The following AK5 variants were observed in gnomAD, a reference collection of about 807,000 sequenced individuals.
AK5 encodes adenylate kinase isoenzyme 5.
AK5 carries 27 observed loss-of-function variants against 69.5 expected under a neutral mutation model. The ratio of observed to expected loss-of-function variants is 0.39; its 90% CI spans 0.29 to 0.54. The LOEUF is 0.54. Among genes scored for constraint, AK5 ranks in the 20% least tolerant of loss-of-function variants. The pLI is 0.71. For missense variants in AK5, 531 were observed against 700.4 expected (o/e 0.76, Z 2.73); for synonymous variants, 260 against 244.4 (o/e 1.06, Z -0.60).
chr1:77,487,971 C>T (rs982649768), intron 10 of AK5, among the ~76,000 whole-genome samples: 2 of 152,180 alleles, frequency 1.3e-5, no homozygotes, highest in African/African-American at 4.8e-5. Flanking sequence ...TAGGGAACAA[C>T]CTGGGTCAAG....
At chr1:77,535,445 G>A (rs1391248942) in intron 12 of AK5, among the ~76,000 whole-genome samples, 4 of 152,168 alleles carry the variant, frequency 2.6e-5, no homozygotes, top group African/African-American at 9.7e-5. Flanking sequence ...GCCACCTGTG[G>A]CTGTTATATC....
chr1:77,533,061 A>G (rs1658738179), intron 12 of AK5, among the ~76,000 whole-genome samples: 3 of 152,232 alleles, frequency 2.0e-5, no homozygotes, highest in Admixed American at 2.0e-4. Context: ...GTCACTTCCA[A>G]ATAGAATAAC....
intron 13 of AK5, among the ~76,000 whole-genome samples, chr1:77,548,667 C>T (rs1192592834): frequency 1.3e-5 from 2 of 152,130 alleles, no homozygotes; most frequent in Non-Finnish European, 2.9e-5. Context: ...CACAACTAGA[C>T]ATAGGCAATG....
chr1:77,491,062 A>G (rs1655960575), intron 10 of AK5, among the ~76,000 whole-genome samples: 1 of 152,040 alleles, frequency 6.6e-6, no homozygotes. Context: ...CCTGGTGTAC[A>G]TTGGCATTGA....
At position 77,360,269 on chromosome 1, in the gene AK5, G is replaced by A. The variant is rs900153799; in HGVS notation, c.891+19701G>A. ...AGGGGAAGAGAAGGTGGTCAAAGAT[G>A]TGAGAGAAAATGAGAATTGGGATAT... On this transcript the variant is annotated intron_variant, in intron 6 of 13. Coordinates refer to ENST00000354567, the MANE Select transcript of AK5 (RefSeq NM_174858.3). 3.4e-4 allele frequency among the ~76,000 whole-genome samples: 51 copies of A among 152,186 alleles called. 1 individual carries two copies. The highest frequency in any genetic ancestry group is 6.9e-4 in the Non-Finnish European group (47 of 68,032).
At chr1:77,328,169 C>T (rs1405698891) in intron 5 of AK5, among the ~76,000 whole-genome samples, 13 of 152,164 alleles carry the variant, frequency 8.5e-5, no homozygotes, top group Non-Finnish European at 1.5e-5. Flanking sequence ...TGTAACTTTA[C>T]ATTCATTTCC....
chr1:77,314,855 G>A (rs1660163246), intron 5 of AK5: 1 of 152,108 alleles, frequency 6.6e-6, no homozygotes, highest in East Asian at 1.9e-4. Context: ...ATTATGAAAT[G>A]ACACAGATAT....
chr1:77,514,819 T>C (rs971004554), intron 10 of AK5, among the ~76,000 whole-genome samples: 2 of 152,240 alleles, frequency 1.3e-5, no homozygotes, highest in African/African-American at 4.8e-5. Flanking sequence ...AAGAAAATAA[T>C]TGGAACATGG....
At position 77,392,577 on chromosome 1, in the gene AK5, G is replaced by C. The variant is rs369131565; in HGVS notation, c.892-18404G>C. ...GAGAACCTATATTGGTTTCTCTTCCGTGTGTGCCCAGGGAGTTGTGTTCAA... is the reference window on the plus strand; with the variant it reads ...GAGAACCTATATTGGTTTCTCTTCCCTGTGTGCCCAGGGAGTTGTGTTCAA... On this transcript the variant is annotated intron_variant, in intron 6 of 13. Transcript: ENST00000354567. 4.6e-5 allele frequency among the ~76,000 whole-genome samples: 7 copies of C among 152,188 alleles called. 1 individual carries two copies. The highest frequency in any genetic ancestry group is 1.7e-4 in the African/African-American group (7 of 41,532).
chr1:77,387,018 A>G (rs1648081330), intron 6 of AK5, among the ~76,000 whole-genome samples: 1 of 152,216 alleles, frequency 6.6e-6, no homozygotes, highest in South Asian at 2.1e-4. Flanking sequence ...TGCAAATGAC[A>G]GGATTTCATT....
Position 77,401,919 on chromosome 1 carries a change from A to G in AK5, c.892-9062A>G, listed in dbSNP as rs553233453. 9.8e-5 allele frequency among the ~76,000 whole-genome samples: 15 copies of G among 152,330 alleles called. No individual in the cohort carries two copies. The South Asian group carries it at 2.9e-3, about 29-fold the overall frequency. On this transcript the variant is annotated intron_variant, in intron 6 of 13. Transcript: ENST00000354567. ...TGAGCATTTCATTTTGAAATTTCCA[A>G]TTGACCTCTCTAGCCCTCTTATATT... is the stretch of plus-strand genomic sequence containing the variant.
At chr1:77,440,024 T>C (rs972736225) in intron 8 of AK5, among the ~76,000 whole-genome samples, 1 of 152,166 alleles carries the variant, frequency 6.6e-6, no homozygotes, top group Non-Finnish European at 1.5e-5. Flanking sequence ...TTTGTAGTGA[T>C]AAGCTTTGAT....
At chr1:77,457,959 A>G (rs913106125) in intron 8 of AK5, among the ~76,000 whole-genome samples, 2 of 152,140 alleles carry the variant, frequency 1.3e-5, no homozygotes, top group African/African-American at 4.8e-5. Context: ...AACAGAAGCC[A>G]GGCATGGTGC....
At chr1:77,322,764 C>G (rs1280068733) in intron 5 of AK5, among the ~76,000 whole-genome samples, 1 of 152,000 alleles carries the variant, frequency 6.6e-6, no homozygotes, top group Admixed American at 6.6e-5. Context: ...TCTCCCTAAG[C>G]AATAAAAAAG....
chr1:77,353,052 T>C (rs1487993853), intron 6 of AK5, among the ~76,000 whole-genome samples: 1 of 152,096 alleles, frequency 6.6e-6, no homozygotes, highest in African/African-American at 2.4e-5. Context: ...ACTTAATTAT[T>C]TTTTTAAAAA....
chr1:77,524,188 T>C (rs1216087541), intron 12 of AK5, among the ~76,000 whole-genome samples: 1 of 152,242 alleles, frequency 6.6e-6, no homozygotes, highest in Non-Finnish European at 1.5e-5. Flanking sequence ...CACCTATCGA[T>C]AGAGACTGGG....
At chr1:77,313,378 T>G (rs929479576) in intron 5 of AK5, among the ~76,000 whole-genome samples, 2 of 152,110 alleles carry the variant, frequency 1.3e-5, no homozygotes, top group Non-Finnish European at 2.9e-5. Flanking sequence ...CAGGCAGCCC[T>G]GAGGCTGAAT....
intron 9 of AK5, among the ~76,000 whole-genome samples, chr1:77,484,175 A>AAG (rs1655444778): frequency 6.7e-6 from 1 of 148,182 alleles, no homozygotes; most frequent in Admixed American, 6.8e-5. Flanking sequence ...AAAAAAAAAA[A>AAG]GTCTTGCAAA....
intron 6 of AK5, among the ~76,000 whole-genome samples, chr1:77,376,440 A>AAAAAC (rs1647246780): frequency 8.9e-6 from 1 of 112,130 alleles, no homozygotes; most frequent in African/African-American, 3.5e-5. Context: ...TGCCAAAAAA[A>AAAAAC]AAAAAAAAAA....
Sources: gnomAD v4.1 joint callset for allele counts (sites outside exome capture counted in the v4.1 genomes callset) on GRCh38, gnomAD v4.1.1 for gene constraint, MANE v1.5 for transcripts, NCBI Gene and HGNC (gene_info 2026-07-23, HGNC 2026-07-21) for gene names.